The following FIGN variants were observed in gnomAD, a reference collection of about 807,000 sequenced individuals.
The protein encoded by FIGN is fidgetin.
Under a neutral mutation model 51.3 loss-of-function variants are expected in FIGN, and 11 were observed. That is an observed-to-expected ratio of 0.21 (90% CI 0.13 to 0.35). The LOEUF (loss-of-function observed/expected upper bound fraction) is 0.35, where lower values mean the gene tolerates loss of function less well. Ranked by LOEUF, FIGN falls within the 10% of genes least tolerant of loss-of-function variation. The pLI, the probability that FIGN is intolerant of heterozygous loss-of-function variation, is 1.00. For synonymous variants in FIGN, 407 were observed against 363.2 expected, an observed-to-expected ratio of 1.12 and a Z score of -1.37; for missense variants, 857 against 943.6, an observed-to-expected ratio of 0.91 and a Z score of 1.20.
At chr2:163,669,214 C>CGTTTT (rs952182425) in intron 2 of FIGN, among the ~76,000 whole-genome samples, 2 of 151,834 alleles carry the variant, frequency 1.3e-5, no homozygotes, top group African/African-American at 2.4e-5. Context: ...ACTACTTCAG[C>CGTTTT]GTTTTGTTTT....
intron 2 of FIGN, among the ~76,000 whole-genome samples, chr2:163,693,636 C>CACAA (rs748621762): frequency 5.3e-5 from 8 of 152,090 alleles, no homozygotes; most frequent in Non-Finnish European, 1.0e-4. Flanking sequence ...CACACTTACG[C>CACAA]ACAAACACAC....
chr2:163,611,226 T>C lies in FIGN; in HGVS notation c.606A>G (p.Pro202=), dbSNP rs776707082. 1.2e-6 allele frequency: 2 copies of C among 1,614,132 alleles called. No homozygotes were observed. The highest frequency in any genetic ancestry group is 1.7e-6 in the Non-Finnish European group (2 of 1,180,002). ...GATGAGGTGAAGGAAGTGCAGGTGC[T>C]GGCTGGCTACTATAAGTAGAATGCA... ...SYLHSTYSSQ[P]APALPSPHPS... The change falls in exon 3 of 3, where the codon CCA becomes CCG. Residue 202 remains proline (P), a synonymous_variant. Transcript: ENST00000333129.
chr2:163,668,098 G>A (rs1259975518), intron 2 of FIGN, among the ~76,000 whole-genome samples: 2 of 146,640 alleles, frequency 1.4e-5, no homozygotes, highest in African/African-American at 2.6e-5. Context: ...ACTTAAATTG[G>A]TATAATAGAA....
intron 2 of FIGN, among the ~76,000 whole-genome samples, chr2:163,678,460 A>G (rs568858048): frequency 1.3e-5 from 2 of 152,182 alleles, no homozygotes; most frequent in Admixed American, 1.3e-4. Context: ...ACCTCAAGTG[A>G]TCTGCCCACC....
intron 2 of FIGN, among the ~76,000 whole-genome samples, chr2:163,630,259 C>T (rs1410691831): frequency 6.6e-6 from 1 of 151,916 alleles, no homozygotes; most frequent in Non-Finnish European, 1.5e-5. Flanking sequence ...AGCCACTGCA[C>T]CCAGCAGAAA....
chr2:163,611,016 T>TGAAGGC lies in FIGN; in HGVS notation c.810_815dup (p.Pro271_Ser272dup). On this transcript the variant is annotated inframe_insertion, in exon 3 of 3. Transcript: ENST00000333129. ...CAGGAATTCCTGAAGGCAGGTACGC[T>TGAAGGC]GAAGGCGGAGGCGGTGCCCCCCCAG... 1 of 1,613,732 alleles carries TGAAGGC rather than the reference T, an allele frequency of 6.2e-7. No individual in the cohort carries two copies. The highest frequency in any genetic ancestry group is 8.5e-7 in the Non-Finnish European group (1 of 1,179,974).
intron 2 of FIGN, among the ~76,000 whole-genome samples, chr2:163,670,520 C>G (rs1683859789): frequency 6.6e-6 from 1 of 152,168 alleles, no homozygotes; most frequent in Admixed American, 6.5e-5. Flanking sequence ...TCTAATTATT[C>G]TACATGTCAT....
At chr2:163,729,492 C>T (rs1225387819) in intron 2 of FIGN, among the ~76,000 whole-genome samples, 1 of 151,994 alleles carries the variant, frequency 6.6e-6, no homozygotes, top group East Asian at 1.9e-4. Flanking sequence ...TCCTTAATAA[C>T]TGTTTGGTTA....
intron 2 of FIGN, among the ~76,000 whole-genome samples, chr2:163,686,066 A>G (rs1249738291): frequency 6.6e-6 from 1 of 152,248 alleles, no homozygotes; most frequent in Non-Finnish European, 1.5e-5. Context: ...CAATCAGTAT[A>G]TCCAAGGAGA....
At chr2:163,648,988 A>G (rs1197989213) in intron 2 of FIGN, among the ~76,000 whole-genome samples, 1 of 152,172 alleles carries the variant, frequency 6.6e-6, no homozygotes, top group Admixed American at 6.5e-5. Context: ...CAAATCCTAT[A>G]TAAAAACATA....
rs546387176 is a variant in FIGN at position 163,625,489 on chromosome 2, G to A, written c.26-13683C>T. 1.0e-3 allele frequency among the ~76,000 whole-genome samples: 153 copies of A among 151,910 alleles called. 1 individual carries two copies. The highest frequency in any genetic ancestry group is 3.6e-3 in the African/African-American group (150 of 41,454). On this transcript the variant is annotated intron_variant, in intron 2 of 2. Transcript: ENST00000333129. ...GCTCTTAACATTAAAGGACAATATT[G>A]TGGTTATATATTATTTATATGCACT...
intron 2 of FIGN, among the ~76,000 whole-genome samples, chr2:163,614,407 T>C (rs943474455): frequency 6.6e-6 from 1 of 152,144 alleles, no homozygotes; most frequent in East Asian, 1.9e-4. Flanking sequence ...CTTCAAGCCT[T>C]ATAAAAAGGA....
At chr2:163,671,679 G>C (rs1683880091) in intron 2 of FIGN, among the ~76,000 whole-genome samples, 1 of 152,066 alleles carries the variant, frequency 6.6e-6, no homozygotes, top group African/African-American at 2.4e-5. Context: ...AGGTTTTCTT[G>C]CAGTTTTTTG....
At chr2:163,666,484 G>T (rs1683775686) in intron 2 of FIGN, among the ~76,000 whole-genome samples, 1 of 152,142 alleles carries the variant, frequency 6.6e-6, no homozygotes, top group Admixed American at 6.5e-5. Flanking sequence ...TATATTAGAA[G>T]CTAGGAGTTC....
At chr2:163,710,893 A>G (rs1431437909) in intron 2 of FIGN, among the ~76,000 whole-genome samples, 1 of 152,192 alleles carries the variant, frequency 6.6e-6, no homozygotes, top group Non-Finnish European at 1.5e-5. Context: ...GATTACACAG[A>G]GTCAGTGTTC....
At chr2:163,647,392 G>A (rs1348000921) in intron 2 of FIGN, among the ~76,000 whole-genome samples, 3 of 152,122 alleles carry the variant, frequency 2.0e-5, no homozygotes, top group Admixed American at 2.0e-4. Context: ...TGGCATCAAA[G>A]CACCAAAGAA....
At chr2:163,691,766 TA>T (rs137930642) in intron 2 of FIGN, among the ~76,000 whole-genome samples, 3,729 of 152,160 alleles carry the variant, frequency 0.025, 155 homozygotes, top group African/African-American at 0.085. Context: ...TTCTGAGCAT[TA>T]AAAACAAACA....
At chr2:163,676,434 AATAT>A (rs202072418) in intron 2 of FIGN, among the ~76,000 whole-genome samples, 1,356 of 65,526 alleles carry the variant, frequency 0.021, 12 homozygotes, top group Non-Finnish European at 0.027. Context: ...GGATTCCTGG[AATAT>A]ATATATATAT....
At position 163,719,129 on chromosome 2, in the gene FIGN, T is replaced by C. The variant is rs544920514; in HGVS notation, c.25+15774A>G. On this transcript the variant is annotated intron_variant, in intron 2 of 2. Coordinates refer to ENST00000333129, the MANE Select transcript of FIGN (RefSeq NM_018086.4). ...GATGCATTGGCTAGCCACTAGTCATTGTAATATGTACAATGAAGAAAACCA... is the reference window on the plus strand; with the variant it reads ...GATGCATTGGCTAGCCACTAGTCATCGTAATATGTACAATGAAGAAAACCA... Among the ~76,000 whole-genome samples, 29 of 152,298 alleles carry C rather than the reference T, an allele frequency of 1.9e-4. 1 individual carries two copies. Among genetic ancestry groups the C allele is most frequent in the African/African-American group, 6.7e-4 (28 of 41,572 alleles).
Sources: allele counts gnomAD v4.1 joint callset (sites outside exome capture counted in the v4.1 genomes callset), GRCh38; gene constraint gnomAD v4.1.1; transcripts MANE v1.5; gene names NCBI Gene and HGNC (gene_info 2026-07-23, HGNC 2026-07-21).